DIAPH3: variants seen among roughly 807,000 people sequenced by gnomAD.
DIAPH3 encodes protein diaphanous homolog 3.
Under a neutral mutation model 144.3 loss-of-function variants are expected in DIAPH3, and 117 were observed. The ratio of observed to expected loss-of-function variants is 0.81; its 90% confidence interval spans 0.70 to 0.95. DIAPH3 has a LOEUF of 0.95. Ranked by LOEUF, DIAPH3 falls within the 40% of genes least tolerant of loss-of-function variation. The pLI, the probability that DIAPH3 is intolerant of heterozygous loss-of-function variation, is 0.00. For missense variants in DIAPH3, 1,421 were observed against 1,412.7 expected (o/e 1.01, Z -0.09); for synonymous variants, 519 against 488.9 (o/e 1.06, Z -0.81).
At chr13:59,943,008 T>C (rs1035442089) in intron 17 of DIAPH3, among the ~76,000 whole-genome samples, 2 of 152,202 alleles carry the variant, frequency 1.3e-5, no homozygotes, top group Non-Finnish European at 2.9e-5. Context: ...TATTCTTGCA[T>C]ATTTTTCCAT....
At chr13:59,729,305 T>C (rs2035763096) in intron 27 of DIAPH3, among the ~76,000 whole-genome samples, 1 of 152,154 alleles carries the variant, frequency 6.6e-6, no homozygotes, top group Non-Finnish European at 1.5e-5. Flanking sequence ...TATTGTCTCT[T>C]TTTTAGTCTA....
chr13:59,786,851 G>A (rs771858938), intron 25 of DIAPH3, among the ~76,000 whole-genome samples: 7 of 152,154 alleles, frequency 4.6e-5, no homozygotes, highest in Non-Finnish European at 7.4e-5. Flanking sequence ...GCTTACGCCT[G>A]TAATCCCAGC....
chr13:59,861,349 T>C, intron 22 of DIAPH3, 58 bp downstream of exon 22: 1 of 1,612,416 alleles, frequency 6.2e-7, no homozygotes, highest in Non-Finnish European at 8.5e-7. Flanking sequence ...AGGTATAATT[T>C]TCAGTCTTTT....
chr13:60,086,806 C>A (rs542083125), intron 4 of DIAPH3, among the ~76,000 whole-genome samples: 2 of 152,204 alleles, frequency 1.3e-5, no homozygotes, highest in Admixed American at 6.5e-5. Flanking sequence ...AAAACTGACA[C>A]TGAAATGTAT....
At chr13:60,136,219 T>G in intron 1 of DIAPH3, among the ~76,000 whole-genome samples, 1 of 152,184 alleles carries the variant, frequency 6.6e-6, no homozygotes, top group East Asian at 1.9e-4. Flanking sequence ...ACAAAAATAT[T>G]GATTTTATGG....
At chr13:60,093,976 G>C (rs538399694) in intron 3 of DIAPH3, among the ~76,000 whole-genome samples, 112 of 152,102 alleles carry the variant, frequency 7.4e-4, no homozygotes, top group Non-Finnish European at 1.1e-3. Flanking sequence ...TTCACAGCAG[G>C]CAAATAAAAT....
chr13:60,085,560 A>G (rs2057719503), intron 4 of DIAPH3, among the ~76,000 whole-genome samples: 1 of 152,152 alleles, frequency 6.6e-6, no homozygotes, highest in Admixed American at 6.5e-5. Context: ...AGGCCTGGAC[A>G]TTAAAATACT....
intron 27 of DIAPH3, among the ~76,000 whole-genome samples, chr13:59,750,222 T>C (rs867455401): frequency 2.0e-5 from 3 of 152,206 alleles, no homozygotes; most frequent in Admixed American, 6.5e-5. Context: ...GCACATACGT[T>C]AAATTTATAC....
intron 2 of DIAPH3, among the ~76,000 whole-genome samples, chr13:60,115,579 C>T (rs1279834091): frequency 6.6e-6 from 1 of 152,108 alleles, no homozygotes; most frequent in Non-Finnish European, 1.5e-5. Flanking sequence ...TTTAATACTG[C>T]ATCTTTACAT....
chr13:60,132,127 C>A (rs1214546041), intron 2 of DIAPH3, among the ~76,000 whole-genome samples: 1 of 152,166 alleles, frequency 6.6e-6, no homozygotes, highest in Admixed American at 6.5e-5. Context: ...CATTCTAATA[C>A]AATTTTTAAG....
intron 1 of DIAPH3, among the ~76,000 whole-genome samples, chr13:60,135,304 C>A (rs1594754844): frequency 6.8e-6 from 1 of 147,732 alleles, no homozygotes; most frequent in Non-Finnish European, 1.5e-5. Context: ...GAGGGTATAG[C>A]TTTTTAAAAG....
At chr13:59,891,571 G>T (rs2045800364) in intron 20 of DIAPH3, among the ~76,000 whole-genome samples, 1 of 151,818 alleles carries the variant, frequency 6.6e-6, no homozygotes, top group South Asian at 2.1e-4. Flanking sequence ...CAGAAACTAA[G>T]AAAATTTTGA....
At chr13:60,074,091 C>T (rs1415672981) in intron 4 of DIAPH3, among the ~76,000 whole-genome samples, 1 of 152,192 alleles carries the variant, frequency 6.6e-6, no homozygotes, top group Non-Finnish European at 1.5e-5. Context: ...TGTTGCAGTG[C>T]TTAGGTTGCC....
intron 20 of DIAPH3, among the ~76,000 whole-genome samples, chr13:59,897,176 G>T (rs907121274): frequency 3.9e-5 from 6 of 152,218 alleles, no homozygotes; most frequent in African/African-American, 7.2e-5. Flanking sequence ...TGGGAAAAGA[G>T]TCAGGGAGGA....
intron 4 of DIAPH3, among the ~76,000 whole-genome samples, chr13:60,066,931 G>A (rs1466048267): frequency 6.6e-6 from 1 of 152,074 alleles, no homozygotes; most frequent in Non-Finnish European, 1.5e-5. Flanking sequence ...TTCCTAAAAG[G>A]AACTATATGT....
intron 24 of DIAPH3, among the ~76,000 whole-genome samples, chr13:59,826,474 G>A (rs1162943025): frequency 6.6e-6 from 1 of 150,926 alleles, no homozygotes; most frequent in African/African-American, 2.4e-5. Context: ...CAGCTTACAA[G>A]GGATGTGAAG....
At chr13:60,013,865 C>T (rs1467728150) in intron 7 of DIAPH3, among the ~76,000 whole-genome samples, 1 of 152,004 alleles carries the variant, frequency 6.6e-6, no homozygotes, top group African/African-American at 2.4e-5. Flanking sequence ...TCACATATTG[C>T]TAGGTTTAGA....
chr13:60,085,084 G>A (rs1430364785), intron 4 of DIAPH3, among the ~76,000 whole-genome samples: 4 of 152,012 alleles, frequency 2.6e-5, no homozygotes, highest in Non-Finnish European at 5.9e-5. Context: ...GTAAATTCAC[G>A]GAAGCTTTAA....
intron 23 of DIAPH3, among the ~76,000 whole-genome samples, chr13:59,836,859 TTAAGTA>T (rs147078196): frequency 0.015 from 2,209 of 152,064 alleles, 56 homozygotes; most frequent in African/African-American, 0.05. Flanking sequence ...ATAACAAACT[TTAAGTA>T]TATTTTATTC....
Sources: allele counts gnomAD v4.1 joint callset (sites outside exome capture counted in the v4.1 genomes callset), GRCh38; gene constraint gnomAD v4.1.1; transcripts MANE v1.5; gene names NCBI Gene and HGNC (gene_info 2026-07-23, HGNC 2026-07-21).